SH3RF3: variants seen among roughly 807,000 people sequenced by gnomAD.
SH3RF3 encodes the protein E3 ubiquitin-protein ligase SH3RF3.
SH3RF3 carries 29 observed loss-of-function variants against 66.3 expected under a neutral mutation model. That is an observed-to-expected ratio of 0.44 (90% CI 0.33 to 0.60). The LOEUF (loss-of-function observed/expected upper bound fraction) is 0.60. SH3RF3 is among the 20% of genes least tolerant of loss of function. SH3RF3 has a pLI of 0.04. For missense variants in SH3RF3, 1,194 were observed against 1,190.9 expected (o/e 1.00, Z -0.04); for synonymous variants, 583 against 532.0 (o/e 1.10, Z -1.32).
At chr2:109,469,117 C>T (rs938914522) in intron 8 of SH3RF3, among the ~76,000 whole-genome samples, 1 of 152,174 alleles carries the variant, frequency 6.6e-6, no homozygotes, top group African/African-American at 2.4e-5. Flanking sequence ...CCTTGTGGCC[C>T]ATGCCATGCC....
chr2:109,314,297 A>C (rs1681817946), intron 1 of SH3RF3, among the ~76,000 whole-genome samples: 1 of 152,186 alleles, frequency 6.6e-6, no homozygotes, highest in South Asian at 2.1e-4. Context: ...TTATTTCTTG[A>C]AATGGTTAAA....
At chr2:109,202,635 A>G (rs1678707806) in intron 1 of SH3RF3, among the ~76,000 whole-genome samples, 1 of 152,162 alleles carries the variant, frequency 6.6e-6, no homozygotes, top group African/African-American at 2.4e-5. Flanking sequence ...GCCCGGCCCC[A>G]GGAACCTGGG....
chr2:109,268,505 C>G (rs571537079), intron 1 of SH3RF3, among the ~76,000 whole-genome samples: 2 of 152,216 alleles, frequency 1.3e-5, no homozygotes, highest in Non-Finnish European at 2.9e-5. Flanking sequence ...CAAGCAACCT[C>G]TGTCCAGCAG....
chr2:109,384,833 C>T (rs1300652203), intron 3 of SH3RF3, among the ~76,000 whole-genome samples: 1 of 152,212 alleles, frequency 6.6e-6, no homozygotes, highest in African/African-American at 2.4e-5. Flanking sequence ...CTCAGGGTAA[C>T]TCCAACCCGA....
At chr2:109,462,122 T>C (rs529081167) in intron 8 of SH3RF3, among the ~76,000 whole-genome samples, 6 of 150,580 alleles carry the variant, frequency 4.0e-5, no homozygotes, top group Non-Finnish European at 8.9e-5. Flanking sequence ...AAATCTAGAG[T>C]AGTTGCTGCT....
intron 1 of SH3RF3, among the ~76,000 whole-genome samples, chr2:109,329,521 T>TC (rs1433315771): frequency 6.6e-6 from 1 of 152,056 alleles, no homozygotes; most frequent in East Asian, 1.9e-4. Context: ...ACTGAACACA[T>TC]CCCCCCATTC....
intron 1 of SH3RF3, among the ~76,000 whole-genome samples, chr2:109,283,110 A>G (rs1283404537): frequency 6.6e-6 from 1 of 152,196 alleles, no homozygotes. Context: ...ATGATGGCAG[A>G]TGATCAATCC....
At chr2:109,213,790 G>A (rs1679046946) in intron 1 of SH3RF3, among the ~76,000 whole-genome samples, 1 of 152,218 alleles carries the variant, frequency 6.6e-6, no homozygotes, top group African/African-American at 2.4e-5. Flanking sequence ...GTGGTGTGGT[G>A]TGATAGGGTG....
chr2:109,487,443 T>C (rs1025453260), intron 8 of SH3RF3, among the ~76,000 whole-genome samples: 1 of 152,202 alleles, frequency 6.6e-6, no homozygotes, highest in African/African-American at 2.4e-5. Flanking sequence ...AACTGATGCT[T>C]AAGGCATTAG....
At chr2:109,433,258 AT>A (rs1303026007) in intron 6 of SH3RF3, among the ~76,000 whole-genome samples, 2 of 152,282 alleles carry the variant, frequency 1.3e-5, no homozygotes, top group Non-Finnish European at 2.9e-5. Flanking sequence ...ATATACATAT[AT>A]GCAAAGGAAA....
At chr2:109,276,673 T>A (rs1318600842) in intron 1 of SH3RF3, among the ~76,000 whole-genome samples, 1 of 152,214 alleles carries the variant, frequency 6.6e-6, no homozygotes, top group Non-Finnish European at 1.5e-5. Flanking sequence ...CAGACAAATA[T>A]TCTAAGTCAG....
At chr2:109,168,558 C>T (rs1203753029) in intron 1 of SH3RF3, among the ~76,000 whole-genome samples, 1 of 152,212 alleles carries the variant, frequency 6.6e-6, no homozygotes, top group East Asian at 1.9e-4. Flanking sequence ...TAGTCTCTTC[C>T]TACTTCTAAT....
chr2:109,282,012 T>C (rs1331336429), intron 1 of SH3RF3, among the ~76,000 whole-genome samples: 1 of 151,962 alleles, frequency 6.6e-6, no homozygotes, highest in Admixed American at 6.6e-5. Flanking sequence ...AGGGCTCAGG[T>C]TCAAGATGCT....
intron 1 of SH3RF3, among the ~76,000 whole-genome samples, chr2:109,166,096 G>A (rs1574483292): frequency 6.6e-6 from 1 of 152,158 alleles, no homozygotes; most frequent in South Asian, 2.1e-4. Context: ...AGACTGGTGG[G>A]GGCAGAGCTT....
Position 109,350,062 on chromosome 2 carries a change from C to T in SH3RF3, c.849+2113C>T, listed in dbSNP as rs182937791. Among the ~76,000 whole-genome samples, 32 of 152,362 alleles carry T rather than the reference C, an allele frequency of 2.1e-4. No individual in the cohort carries two copies. In the East Asian group the frequency reaches 6.0e-3, roughly 29 times the overall value. On this transcript the variant is annotated intron_variant, in intron 2 of 9. Transcript: ENST00000309415. ...ACGAGCTGCATCGGATCACCAGGGGCAGGCCGGGCATTTAGTGTGGGCTCC... is the reference window on the plus strand; with the variant it reads ...ACGAGCTGCATCGGATCACCAGGGGTAGGCCGGGCATTTAGTGTGGGCTCC...
At chr2:109,301,284 G>A (rs1377015433) in intron 1 of SH3RF3, among the ~76,000 whole-genome samples, 2 of 151,604 alleles carry the variant, frequency 1.3e-5, no homozygotes, top group Non-Finnish European at 2.9e-5. Flanking sequence ...GCTGTGTGTG[G>A]TGTGTGTCTG....
intron 6 of SH3RF3, among the ~76,000 whole-genome samples, chr2:109,436,297 G>T (rs1003382606): frequency 6.6e-6 from 1 of 152,202 alleles, no homozygotes; most frequent in Admixed American, 6.5e-5. Flanking sequence ...GAGGGAAAGC[G>T]TGAAAAGCCC....
intron 1 of SH3RF3, among the ~76,000 whole-genome samples, chr2:109,226,676 C>T (rs934091415): frequency 2.0e-5 from 3 of 152,180 alleles, no homozygotes; most frequent in Admixed American, 6.5e-5. Flanking sequence ...TGCATCTGCT[C>T]CCTTTGTGGC....
intron 1 of SH3RF3, among the ~76,000 whole-genome samples, chr2:109,283,297 C>T (rs182518057): frequency 2.6e-5 from 4 of 152,334 alleles, no homozygotes; most frequent in East Asian, 1.9e-4. Flanking sequence ...TCCCACTCCC[C>T]ACTTGTGGGC....
Sources: gnomAD v4.1 joint callset for allele counts (sites outside exome capture counted in the v4.1 genomes callset) on GRCh38, gnomAD v4.1.1 for gene constraint, MANE v1.5 for transcripts, NCBI Gene and HGNC (gene_info 2026-07-23, HGNC 2026-07-21) for gene names.